SIPA1L1: variants seen among roughly 807,000 people sequenced by gnomAD.
SIPA1L1 encodes signal induced proliferation associated 1 like 1.
SIPA1L1 carries 26 observed loss-of-function variants against 162.7 expected under a neutral mutation model. The observed-to-expected ratio is 0.16, with a 90% CI of 0.12 to 0.22. The LOEUF (loss-of-function observed/expected upper bound fraction) is 0.22, where lower values mean the gene tolerates loss of function less well. SIPA1L1 is among the 10% of genes least tolerant of loss of function. The pLI is 1.00. For synonymous variants in SIPA1L1, 829 were observed against 837.4 expected (o/e 0.99, Z 0.17); for missense variants, 1,874 against 2,241.0 (o/e 0.84, Z 3.31).
At chr14:71,702,595 A>G (rs920696897) in intron 15 of SIPA1L1, 90 bp downstream of exon 15, 2 of 1,137,862 alleles carry the variant, frequency 1.8e-6, no homozygotes, top group African/African-American at 3.1e-5. Context: ...TTGTTATAAA[A>G]GGTAGCCCTA....
At chr14:71,738,983 A>G in intron 23 of SIPA1L1, 35 bp from the exon 24 acceptor site, 1 of 1,600,616 alleles carries the variant, frequency 6.2e-7, no homozygotes, top group East Asian at 2.2e-5. Flanking sequence ...TGGGGCCAAC[A>G]CCTCTTAGCT....
chr14:71,427,780 A>G (rs1323151686), intron 2 of SIPA1L1, among the ~76,000 whole-genome samples: 1 of 151,400 alleles, frequency 6.6e-6, no homozygotes, highest in Admixed American at 6.6e-5. Context: ...CTTTATGAAT[A>G]TTTTCATTTT....
chr14:71,560,448 G>A (rs1458034613), intron 4 of SIPA1L1, among the ~76,000 whole-genome samples: 8 of 152,146 alleles, frequency 5.3e-5, no homozygotes, highest in Non-Finnish European at 1.0e-4. Flanking sequence ...TACTCCAGGA[G>A]GAAGAAGGGG....
chr14:71,553,906 A>G (rs2056107764), intron 4 of SIPA1L1, among the ~76,000 whole-genome samples: 1 of 152,218 alleles, frequency 6.6e-6, no homozygotes, highest in Admixed American at 6.5e-5. Context: ...TAAAGTAACT[A>G]GAGACAGACT....
intron 5 of SIPA1L1, among the ~76,000 whole-genome samples, chr14:71,617,120 C>G (rs1353527116): frequency 1.3e-5 from 2 of 152,200 alleles, no homozygotes; most frequent in Non-Finnish European, 2.9e-5. Flanking sequence ...TGGCCCCAGA[C>G]TGCTGTCTTG....
At chr14:71,473,009 C>T (rs908746147) in intron 2 of SIPA1L1, among the ~76,000 whole-genome samples, 6 of 151,836 alleles carry the variant, frequency 4.0e-5, no homozygotes, top group African/African-American at 1.2e-4. Flanking sequence ...CAGCACCTGG[C>T]TTAATTTTCC....
intron 2 of SIPA1L1, among the ~76,000 whole-genome samples, chr14:71,425,262 ACTC>A (rs2043480231): frequency 6.7e-6 from 1 of 150,110 alleles, no homozygotes; most frequent in African/African-American, 2.5e-5. Flanking sequence ...GTTTATCTCT[ACTC>A]CTTCTTTCTG....
chr14:71,402,590 C>T (rs180775683), intron 2 of SIPA1L1, among the ~76,000 whole-genome samples: 1 of 152,222 alleles, frequency 6.6e-6, no homozygotes, highest in African/African-American at 2.4e-5. Flanking sequence ...CTTATGTGAT[C>T]TGCCCGCCTT....
chr14:71,463,763 GTT>G (rs891826646), intron 2 of SIPA1L1, among the ~76,000 whole-genome samples: 14 of 152,140 alleles, frequency 9.2e-5, no homozygotes, highest in Admixed American at 2.6e-4. Context: ...TGACCTAGAA[GTT>G]TTCTGCTGAT....
chr14:71,324,769 G>A (rs1031809371), intron 2 of SIPA1L1, among the ~76,000 whole-genome samples: 1 of 151,974 alleles, frequency 6.6e-6, no homozygotes, highest in East Asian at 1.9e-4. Context: ...TTCCATTTGC[G>A]GAAGAAATTA....
At chr14:71,704,780 A>T (rs1274571696) in intron 15 of SIPA1L1, 1 of 1,606,354 alleles carries the variant, frequency 6.2e-7, no homozygotes, top group African/African-American at 1.3e-5. Flanking sequence ...GCATGAATAT[A>T]CAGGTAAAAT....
intron 2 of SIPA1L1, among the ~76,000 whole-genome samples, chr14:71,391,700 C>T (rs1276817746): frequency 2.6e-5 from 4 of 152,118 alleles, no homozygotes; most frequent in Non-Finnish European, 5.9e-5. Context: ...TTCTTTTTGT[C>T]GTCTTCTGAC....
chr14:71,477,483 C>G (rs983331180), intron 2 of SIPA1L1, among the ~76,000 whole-genome samples: 20 of 151,962 alleles, frequency 1.3e-4, no homozygotes, highest in African/African-American at 4.6e-4. Flanking sequence ...TAGAGCAGAC[C>G]ATCTCTAATT....
At chr14:71,614,738 A>G (rs897317445) in intron 5 of SIPA1L1, among the ~76,000 whole-genome samples, 1 of 152,220 alleles carries the variant, frequency 6.6e-6, no homozygotes, top group Non-Finnish European at 1.5e-5. Context: ...AAATTCAGAA[A>G]TATACTTCAT....
At chr14:71,339,058 T>C (rs997751644) in intron 2 of SIPA1L1, among the ~76,000 whole-genome samples, 3 of 152,164 alleles carry the variant, frequency 2.0e-5, no homozygotes, top group Non-Finnish European at 4.4e-5. Flanking sequence ...AGATATTTAT[T>C]GAGTGCCTGT....
intron 5 of SIPA1L1, among the ~76,000 whole-genome samples, chr14:71,590,034 AAAAAAAAAAAATATATATATAT>A (rs1319758255): frequency 1.4e-5 from 1 of 72,714 alleles, no homozygotes; most frequent in African/African-American, 5.0e-5. Context: ...AAAAAAAAAA[AAAAAAAAAAAATATATATATAT>A]ATATATATAT....
chr14:71,629,042 A>C (rs1478278779), intron 7 of SIPA1L1, among the ~76,000 whole-genome samples: 4 of 152,114 alleles, frequency 2.6e-5, no homozygotes, highest in Non-Finnish European at 5.9e-5. Context: ...GGTTCACGCC[A>C]TTCTCCTGCC....
At chr14:71,546,173 C>T (rs1350996838) in intron 4 of SIPA1L1, among the ~76,000 whole-genome samples, 1 of 152,004 alleles carries the variant, frequency 6.6e-6, no homozygotes, top group Non-Finnish European at 1.5e-5. Flanking sequence ...TTGTGAGCTC[C>T]TATTTTTTAA....
chr14:71,595,653 G>A (rs554711825), intron 5 of SIPA1L1, among the ~76,000 whole-genome samples: 1 of 152,136 alleles, frequency 6.6e-6, no homozygotes, highest in Admixed American at 6.5e-5. Context: ...CCTTAGTTCC[G>A]GCTGCATTTC....
Sources: allele counts gnomAD v4.1 joint callset (sites outside exome capture counted in the v4.1 genomes callset), GRCh38; gene constraint gnomAD v4.1.1; transcripts MANE v1.5; gene names NCBI Gene and HGNC (gene_info 2026-07-23, HGNC 2026-07-21).